The following ADAM23 variants were observed in gnomAD, a reference collection of about 807,000 sequenced individuals.
The protein encoded by ADAM23 is disintegrin and metalloproteinase domain-containing protein 23.
In ADAM23, 33 loss-of-function variants were observed where a neutral mutation model predicts 120.1. That is an observed-to-expected ratio of 0.27 (90% confidence interval 0.21 to 0.37). The LOEUF is 0.37. Among genes scored for constraint, ADAM23 ranks in the 10% least tolerant of loss-of-function variants. ADAM23 has a pLI of 1.00. For synonymous variants in ADAM23, 367 were observed against 375.2 expected (o/e 0.98, Z 0.25); for missense variants, 862 against 1,058.2 (o/e 0.81, Z 2.57).
At chr2:206,471,682 A>C (rs1695662989) in intron 2 of ADAM23, among the ~76,000 whole-genome samples, 2 of 152,160 alleles carry the variant, frequency 1.3e-5, no homozygotes. Flanking sequence ...GCTTTATGAC[A>C]CAAGTGTTAG....
chr2:206,444,660 A>G (rs553652523), intron 1 of ADAM23, among the ~76,000 whole-genome samples: 1 of 152,338 alleles, frequency 6.6e-6, no homozygotes, highest in African/African-American at 2.4e-5. Context: ...CTATATATTG[A>G]TGATTGGAAG....
chr2:206,578,324 T>C (rs982869913), intron 18 of ADAM23, among the ~76,000 whole-genome samples: 7 of 152,062 alleles, frequency 4.6e-5, no homozygotes, highest in Non-Finnish European at 8.8e-5. Flanking sequence ...CACTGCACCA[T>C]ATTTGTAGTC....
chr2:206,581,373 TCCTG>T (rs1474439480), intron 18 of ADAM23, among the ~76,000 whole-genome samples: 1 of 152,228 alleles, frequency 6.6e-6, no homozygotes, highest in Non-Finnish European at 1.5e-5. Context: ...CTATGAACTT[TCCTG>T]TTAGCACCAC....
At chr2:206,603,968 A>G (rs1357649833) in intron 24 of ADAM23, among the ~76,000 whole-genome samples, 1 of 151,946 alleles carries the variant, frequency 6.6e-6, no homozygotes, top group Admixed American at 6.6e-5. Context: ...AGCCAAAAAA[A>G]AAAAAAAAAA....
chr2:206,487,167 T>G (rs1696031410), intron 3 of ADAM23, among the ~76,000 whole-genome samples: 1 of 152,202 alleles, frequency 6.6e-6, no homozygotes, highest in African/African-American at 2.4e-5. Context: ...AATGAATTAT[T>G]ATTACCTCCG....
intron 6 of ADAM23, among the ~76,000 whole-genome samples, chr2:206,546,868 G>C (rs1697409664): frequency 6.6e-6 from 1 of 152,066 alleles, no homozygotes; most frequent in South Asian, 2.1e-4. Context: ...AAGAATAATG[G>C]TAATAGACAT....
At chr2:206,548,700 A>T (rs1697451270) in intron 8 of ADAM23, among the ~76,000 whole-genome samples, 2 of 152,182 alleles carry the variant, frequency 1.3e-5, no homozygotes, top group Admixed American at 1.3e-4. Context: ...TATGGCTTAT[A>T]TAGTGTCATA....
chr2:206,574,594 A>T (rs1284060229), intron 18 of ADAM23, among the ~76,000 whole-genome samples: 2 of 152,164 alleles, frequency 1.3e-5, no homozygotes, highest in African/African-American at 4.8e-5. Context: ...CCACGAAACT[A>T]TTTATTAGAC....
intron 3 of ADAM23, among the ~76,000 whole-genome samples, chr2:206,520,893 T>G (rs1288260700): frequency 1.3e-5 from 2 of 152,082 alleles, no homozygotes; most frequent in African/African-American, 4.8e-5. Flanking sequence ...TCAACACTAT[T>G]GCCCCATATC....
intron 24 of ADAM23, chr2:206,609,609 G>T: frequency 3.3e-6 from 1 of 302,720 alleles, no homozygotes; most frequent in Non-Finnish European, 6.1e-6. Flanking sequence ...GAGAGGGGAA[G>T]AGAAGAAGGA....
chr2:206,488,254 A>T (rs141502126), intron 3 of ADAM23, among the ~76,000 whole-genome samples: 15 of 152,334 alleles, frequency 9.8e-5, no homozygotes, highest in South Asian at 2.1e-4. Flanking sequence ...ACACGGGGGA[A>T]TTCAGAGCTG....
intron 2 of ADAM23, among the ~76,000 whole-genome samples, chr2:206,473,554 CAGTG>C (rs754777846): frequency 1.4e-5 from 2 of 143,090 alleles, no homozygotes; most frequent in Non-Finnish European, 3.1e-5. Context: ...TGGGGCAACA[CAGTG>C]AGACCCATCT....
At position 206,530,846 on chromosome 2, in the gene ADAM23, C is replaced by G. The variant is rs372269219; in HGVS notation, c.510-39C>G. 138 of 1,584,240 alleles carry G rather than the reference C, an allele frequency of 8.7e-5. No homozygotes were observed. The African/African-American group carries it at 1.8e-3, about 21-fold the overall frequency. Reference sequence around the variant, plus strand: ...CGATTGTTTTTAAACCTCCAAGTGTCTTAGATGCAGAAATCACTCTATTTT... The same window carrying G: ...CGATTGTTTTTAAACCTCCAAGTGTGTTAGATGCAGAAATCACTCTATTTT... On this transcript the variant is annotated intron_variant, in intron 3 of 25. Coordinates refer to ENST00000264377, the MANE Select transcript of ADAM23 (RefSeq NM_003812.4).
At chr2:206,571,699 G>A (rs188775038) in intron 16 of ADAM23, 28 bp from the exon 17 acceptor site, 33 of 1,570,190 alleles carry the variant, frequency 2.1e-5, no homozygotes, top group Middle Eastern at 3.4e-4. Context: ...AAGGCTCTTC[G>A]CTTACTCACG....
intron 2 of ADAM23, among the ~76,000 whole-genome samples, chr2:206,461,133 G>A (rs1166313258): frequency 4.0e-5 from 6 of 149,884 alleles, no homozygotes; most frequent in Non-Finnish European, 7.4e-5. Flanking sequence ...AGTGATCTTG[G>A]CTCACTGCAA....
intron 8 of ADAM23, 69 bp from the exon 9 acceptor site, chr2:206,550,026 C>A: frequency 1.0e-6 from 1 of 955,308 alleles, no homozygotes; most frequent in South Asian, 1.8e-5. Flanking sequence ...TTATCTACAA[C>A]TTAACAGTGA....
intron 17 of ADAM23, among the ~76,000 whole-genome samples, chr2:206,572,624 A>G (rs1294372175): frequency 1.3e-5 from 2 of 152,206 alleles, no homozygotes; most frequent in African/African-American, 2.4e-5. Context: ...CTTTGTATAC[A>G]AAAGGCATTC....
At chr2:206,613,279 G>C (rs559830174) in intron 25 of ADAM23, among the ~76,000 whole-genome samples, 1 of 152,080 alleles carries the variant, frequency 6.6e-6, no homozygotes, top group Non-Finnish European at 1.5e-5. Context: ...GGCAGGTCTG[G>C]AACTTCCAAC....
intron 3 of ADAM23, among the ~76,000 whole-genome samples, chr2:206,485,817 T>C (rs972938686): frequency 1.3e-5 from 2 of 151,154 alleles, no homozygotes; most frequent in African/African-American, 2.4e-5. Flanking sequence ...GGACTGGAGG[T>C]GGGGTGTCCA....
Sources: gnomAD v4.1 joint callset for allele counts (sites outside exome capture counted in the v4.1 genomes callset) on GRCh38, gnomAD v4.1.1 for gene constraint, MANE v1.5 for transcripts, NCBI Gene and HGNC (gene_info 2026-07-23, HGNC 2026-07-21) for gene names.